The following CARD8 variants were observed in gnomAD, a reference collection of about 807,000 sequenced individuals.
CARD8 encodes the protein caspase recruitment domain family member 8.
A neutral mutation model predicts 53.2 loss-of-function variants in CARD8; 38 were observed. The observed-to-expected ratio is 0.71, with a 90% CI of 0.55 to 0.94. The LOEUF (loss-of-function observed/expected upper bound fraction) is 0.94, where lower values mean the gene tolerates loss of function less well. Among genes scored for constraint, CARD8 ranks in the 40% least tolerant of loss-of-function variants. The pLI is 0.00. For synonymous variants in CARD8, 245 were observed against 244.9 expected, an observed-to-expected ratio of 1.00 and a Z score of 0.00; for missense variants, 561 against 655.5, an observed-to-expected ratio of 0.86 and a Z score of 1.57.
intron 8 of CARD8, among the ~76,000 whole-genome samples, chr19:48,231,266 G>C (rs2042830508): frequency 6.6e-6 from 1 of 152,062 alleles, no homozygotes; most frequent in Non-Finnish European, 1.5e-5. Context: ...GCTATCATAA[G>C]GGATGGAACC....
intron 7 of CARD8, chr19:48,232,157 A>G: frequency 1.8e-6 from 1 of 557,072 alleles, no homozygotes; most frequent in Non-Finnish European, 3.2e-6. Context: ...AGGAAAGTCC[A>G]GGTCAGAAAA....
chr19:48,227,352 G>T (rs2146018884), intron 10 of CARD8, among the ~76,000 whole-genome samples: 1 of 152,266 alleles, frequency 6.6e-6, no homozygotes, highest in Admixed American at 6.5e-5. Flanking sequence ...GAAATCCTCT[G>T]CTTGTGGGGA....
At chr19:48,231,081 G>A in intron 8 of CARD8, 75 bp from the exon 9 acceptor site, 2 of 1,265,252 alleles carry the variant, frequency 1.6e-6, no homozygotes, top group Non-Finnish European at 2.3e-6. Flanking sequence ...GCAGAGGGAG[G>A]TGGGATTTGA....
At chr19:48,207,158 T>C (rs1376174317), downstream of CARD8, among the ~76,000 whole-genome samples, 3 of 116,214 alleles carry the variant, frequency 2.6e-5, no homozygotes, top group Admixed American at 3.3e-4. Flanking sequence ...ACAGAGAGAC[T>C]CTGTCTCAAA....
intron 8 of CARD8, 79 bp from the exon 9 acceptor site, chr19:48,231,085 G>A: frequency 8.4e-7 from 1 of 1,190,410 alleles, no homozygotes; most frequent in Non-Finnish European, 1.2e-6. Context: ...AGGGAGGTGG[G>A]ATTTGAAGTG....
chr19:48,204,052 G>A (rs537798627), downstream of CARD8: 2 of 412,462 alleles, frequency 4.8e-6, no homozygotes, highest in Admixed American at 2.7e-5. Flanking sequence ...GGCGGGAGAG[G>A]AGTGGGGAGG....
chr19:48,228,353 T>C (rs559623276), intron 10 of CARD8, among the ~76,000 whole-genome samples: 1 of 152,238 alleles, frequency 6.6e-6, no homozygotes, highest in Non-Finnish European at 1.5e-5. Flanking sequence ...AAAATGGTCT[T>C]CTGCAAAACT....
In CARD8 at chr19:48,211,814, T is replaced by C. The variant is rs558188524; in HGVS notation, c.1510A>G (p.Ser504Gly). 43 of 1,614,168 alleles carry C rather than the reference T, an allele frequency of 2.7e-5. No individual in the cohort carries two copies. The South Asian group carries it at 4.3e-4, about 16-fold the overall frequency. The change falls in exon 14 of 14, where the codon AGC becomes GGC. Residue 504 changes from serine (S) to glycine (G), a missense_variant. By Grantham distance (56) the Ser-to-Gly change is moderately conservative. Transcript: ENST00000651546. ...TRQSKNEALL[S>G]MVEKKGDLAL... Reference sequence around the variant, plus strand: ...AGGTCCCCTTTCTTCTCCACCATGCTCAGCAAGGCCTCATTCTTGCTCTGC... The same window carrying C: ...AGGTCCCCTTTCTTCTCCACCATGCCCAGCAAGGCCTCATTCTTGCTCTGC...
chr19:48,231,016 G>A lies in CARD8; in HGVS notation c.543-10C>T, dbSNP rs543716168. ...AGTGGGGAACCAAACGCTGAAAGGA[G>A]CCAGAGTGATGTCATGACGGGAGAA... On this transcript the variant is annotated splice_polypyrimidine_tract_variant and intron_variant, in intron 8 of 13. Transcript: ENST00000651546. The A allele has an allele frequency of 1.9e-6, 3 of 1,607,060 alleles. No individual in the cohort carries two copies. The highest frequency in any genetic ancestry group is 4.5e-5 in the East Asian group (2 of 44,822).
In CARD8 at chr19:48,220,993, GGAAA is replaced by G. The variant is rs1207927306; in HGVS notation, c.1161+733_1161+736del. ...AGGAAGGAAGGAAGGAAGGAAGGAAGGAAAGAAAGAAAGAAAAAGAAAGAAAGAA... is the reference window on the plus strand; with the variant it reads ...AGGAAGGAAGGAAGGAAGGAAGGAAGGAAAGAAAGAAAAAGAAAGAAAGAA... On this transcript the variant is annotated intron_variant, in intron 11 of 13. Coordinates refer to ENST00000651546, the MANE Select transcript of CARD8 (RefSeq NM_001184900.3). Among the ~76,000 whole-genome samples the G allele has an allele frequency of 1.3e-4, 14 of 106,974 alleles. No homozygotes were observed. In the South Asian group the frequency reaches 1.7e-3, roughly 13 times the overall value. 70.2% of individuals were successfully genotyped at this position (106,974 alleles called of 152,430 possible).
At position 48,230,794 on chromosome 19, in the gene CARD8, T is replaced by C. The variant is rs142485811; in HGVS notation, c.755A>G (p.His252Arg). ...CACATTACCTTGGAGGGAGATGAAG[T>C]GGGGGAGGTGGATTTCGGCGACAGC... Reference protein sequence around the residue: ...EEAVAEIHLPHFISLQAGEVD... With the variant: ...EEAVAEIHLPRFISLQAGEVD... The change falls in exon 9 of 14, where the codon CAC becomes CGC. Residue 252 changes from histidine (H) to arginine (R), a missense_variant. Transcript: ENST00000651546. 55 of 1,613,648 alleles carry C rather than the reference T, an allele frequency of 3.4e-5. No homozygotes were observed. The African/African-American group carries it at 6.3e-4, about 18-fold the overall frequency.
rs945686850 is a variant in CARD8 at position 48,209,452 on chromosome 19, C to T, written c.*2258G>A. On this transcript the variant is annotated 3_prime_UTR_variant, in exon 14 of 14. Coordinates refer to ENST00000651546, the MANE Select transcript of CARD8 (RefSeq NM_001184900.3). ...AAGGTGGTGAATGCACTCAGTGGGA[C>T]GACACAGATAACAACAGGTGAACAC... is the stretch of plus-strand genomic sequence containing the variant. The T allele has an allele frequency of 3.3e-5, 5 of 151,932 alleles. No individual in the cohort carries two copies. The highest frequency in any genetic ancestry group is 7.3e-5 in the African/African-American group (3 of 41,354). 9.4% of individuals were successfully genotyped at this position (151,932 alleles called of 1,614,324 possible). A position where few individuals can be genotyped will look rare whatever the true frequency, so the allele number is the denominator to read the frequency against.
chr19:48,204,908 T>C (rs2037286340), downstream of CARD8, among the ~76,000 whole-genome samples: 2 of 152,216 alleles, frequency 1.3e-5, no homozygotes, highest in Non-Finnish European at 2.9e-5. Flanking sequence ...GGGAAAGCAA[T>C]GGCCAGTTAA....
At chr19:48,204,709 G>A, downstream of CARD8, among the ~76,000 whole-genome samples, 1 of 152,162 alleles carries the variant, frequency 6.6e-6, no homozygotes, top group Non-Finnish European at 1.5e-5. Flanking sequence ...CTCTATGGGA[G>A]GGACTGGGAG....
intron 13 of CARD8, among the ~76,000 whole-genome samples, chr19:48,212,358 G>A (rs1187340007): frequency 6.6e-6 from 1 of 152,210 alleles, no homozygotes; most frequent in Non-Finnish European, 1.5e-5. Flanking sequence ...TGTGCATGAT[G>A]CTAGAGGTAT....
intron 5 of CARD8, among the ~76,000 whole-genome samples, chr19:48,237,018 C>T (rs908297618): frequency 1.3e-5 from 2 of 152,058 alleles, no homozygotes; most frequent in Non-Finnish European, 2.9e-5. Flanking sequence ...TCAGGTGGTC[C>T]GCCCCTCTCA....
intron 7 of CARD8, 39 bp from the exon 8 acceptor site, chr19:48,231,849 T>A: frequency 6.2e-7 from 1 of 1,603,850 alleles, no homozygotes; most frequent in Non-Finnish European, 8.5e-7. Flanking sequence ...GGTAAAGGGT[T>A]GGAAGAGGCA....
At chr19:48,230,753 C>T in intron 9 of CARD8, 24 bp downstream of exon 9, 1 of 1,612,810 alleles carries the variant, frequency 6.2e-7, no homozygotes, top group Non-Finnish European at 8.5e-7. Context: ...GCGGCCCCCA[C>T]AGCCTCCGCT....
In CARD8 at chr19:48,230,781, G is replaced by A. The variant is rs1186247303; in HGVS notation, c.768C>T (p.Leu256=). The A allele has an allele frequency of 6.8e-6, 11 of 1,613,936 alleles. No homozygotes were observed. In the Admixed American group the frequency reaches 1.5e-4, roughly 22 times the overall value. ...AEIHLPHFIS[L]QAGEVDVSWF... is the part of the protein sequence containing the mutation. Reference sequence around the variant, plus strand: ...CCTCCGCTCACCCCACATTACCTTGGAGGGAGATGAAGTGGGGGAGGTGGA... The same window carrying A: ...CCTCCGCTCACCCCACATTACCTTGAAGGGAGATGAAGTGGGGGAGGTGGA... Residue 256 remains leucine, a synonymous_variant, in exon 9 of 14, where the codon CTC becomes CTT. Transcript: ENST00000651546.
Sources: gnomAD v4.1 joint callset for allele counts (sites outside exome capture counted in the v4.1 genomes callset) on GRCh38, gnomAD v4.1.1 for gene constraint, MANE v1.5 for transcripts, NCBI Gene and HGNC (gene_info 2026-07-23, HGNC 2026-07-21) for gene names.